The following ATF7IP2 variants were observed in gnomAD, a reference collection of about 807,000 sequenced individuals.
ATF7IP2 encodes activating transcription factor 7 interacting protein 2.
Under a neutral mutation model 64.2 loss-of-function variants are expected in ATF7IP2, and 42 were observed. That is an observed-to-expected ratio of 0.65 (90% CI 0.51 to 0.85). The LOEUF is 0.85. Ranked by LOEUF, ATF7IP2 falls within the 40% of genes least tolerant of loss-of-function variation. The probability of loss-of-function intolerance (pLI) is 0.00; values close to 1 mark genes in which losing one functional copy is unlikely to be tolerated. For synonymous variants in ATF7IP2, 308 were observed against 272.8 expected (o/e 1.13, Z -1.27); for missense variants, 933 against 784.2 (o/e 1.19, Z -2.27).
chr16:10,452,744 A>G (rs1054212492), intron 8 of ATF7IP2, among the ~76,000 whole-genome samples: 3 of 152,138 alleles, frequency 2.0e-5, no homozygotes, highest in Admixed American at 1.3e-4. Context: ...GGGTTTATCT[A>G]TAAGCCCCTG....
chr16:10,477,366 T>C (rs2050048497), intron 12 of ATF7IP2, among the ~76,000 whole-genome samples: 1 of 152,210 alleles, frequency 6.6e-6, no homozygotes, highest in Non-Finnish European at 1.5e-5. Flanking sequence ...CTTTTTGATG[T>C]GCCAAAAACC....
chr16:10,458,673 T>C (rs931023588), intron 9 of ATF7IP2, among the ~76,000 whole-genome samples: 3 of 151,956 alleles, frequency 2.0e-5, no homozygotes, highest in African/African-American at 2.4e-5. Context: ...TTCCAAAGAA[T>C]AGAAAAAAAG....
chr16:10,398,372 C>G (rs1408671101), intron 1 of ATF7IP2, among the ~76,000 whole-genome samples: 1 of 151,832 alleles, frequency 6.6e-6, no homozygotes, highest in Non-Finnish European at 1.5e-5. Flanking sequence ...CTCTTGCACA[C>G]AGTTCATGGA....
At chr16:10,412,811 A>G (rs536466289) in intron 1 of ATF7IP2, among the ~76,000 whole-genome samples, 20 of 152,174 alleles carry the variant, frequency 1.3e-4, no homozygotes, top group African/African-American at 4.8e-4. Context: ...TGTCTATCTC[A>G]TTTCTTAAGT....
intron 1 of ATF7IP2, among the ~76,000 whole-genome samples, chr16:10,409,115 G>A (rs112803098): frequency 0.012 from 1,868 of 152,178 alleles, 34 homozygotes; most frequent in African/African-American, 0.041. Flanking sequence ...TCCCATGGGC[G>A]GGGGGTAGGC....
At chr16:10,395,510 GT>G (rs949226046) in intron 1 of ATF7IP2, among the ~76,000 whole-genome samples, 17 of 152,054 alleles carry the variant, frequency 1.1e-4, no homozygotes, top group African/African-American at 4.1e-4. Context: ...GCAGAACGAT[GT>G]TTTTTTAATG....
At chr16:10,441,970 C>T (rs1213890266) in intron 8 of ATF7IP2, among the ~76,000 whole-genome samples, 1 of 152,226 alleles carries the variant, frequency 6.6e-6, no homozygotes, top group East Asian at 1.9e-4. Flanking sequence ...CAAAAGCACA[C>T]TGAACAAAGG....
rs552690766 is a variant in ATF7IP2 at position 10,424,339 on chromosome 16, A to T, written c.-159-4529A>T. Among the ~76,000 whole-genome samples the T allele has an allele frequency of 3.9e-5, 6 of 152,274 alleles. No homozygotes were observed. In the South Asian group the frequency reaches 1.2e-3, roughly 32 times the overall value. On this transcript the variant is annotated intron_variant, in intron 3 of 13. Transcript: ENST00000562102. Reference sequence around the variant, plus strand: ...AGATTTGGGGTCCTGTTCCCAACAGACCCCTATCTCTCACCATAAGCAAAA... The same window carrying T: ...AGATTTGGGGTCCTGTTCCCAACAGTCCCCTATCTCTCACCATAAGCAAAA...
At chr16:10,408,381 G>A (rs992230731) in intron 1 of ATF7IP2, among the ~76,000 whole-genome samples, 2 of 152,174 alleles carry the variant, frequency 1.3e-5, no homozygotes, top group Admixed American at 6.5e-5. Flanking sequence ...GGGTCAAATG[G>A]TAGTTCTACT....
chr16:10,400,321 A>T (rs12921769), intron 1 of ATF7IP2, among the ~76,000 whole-genome samples: 2 of 152,130 alleles, frequency 1.3e-5, no homozygotes, highest in African/African-American at 4.8e-5. Flanking sequence ...GATTACAGGC[A>T]TTAGCCACCG....
Position 10,482,387 on chromosome 16 carries a change from T to C in ATF7IP2, c.*138T>C. ...TTGGGACAGTCCTCTTCTATATGTT[T>C]TAAGTGGCCAGTAATTTAATGAATT... On this transcript the variant is annotated 3_prime_UTR_variant, in exon 14 of 14. Coordinates refer to ENST00000562102, the MANE Select transcript of ATF7IP2 (RefSeq NM_001393719.1). 3.2e-6 allele frequency: 2 copies of C among 617,954 alleles called. No homozygotes were observed. Among genetic ancestry groups the C allele is most frequent in the Non-Finnish European group, 5.4e-6 (2 of 367,164 alleles). 38.3% of individuals were successfully genotyped at this position (617,954 alleles called of 1,614,324 possible).
At chr16:10,399,103 A>G (rs1056587030) in intron 1 of ATF7IP2, among the ~76,000 whole-genome samples, 8 of 133,062 alleles carry the variant, frequency 6.0e-5, no homozygotes, top group African/African-American at 1.9e-4. Flanking sequence ...ACAAGAAGGA[A>G]ATTCAGACTA....
At chr16:10,440,629 G>C (rs1372419650) in intron 8 of ATF7IP2, among the ~76,000 whole-genome samples, 167 bp downstream of exon 8, 1 of 152,242 alleles carries the variant, frequency 6.6e-6, no homozygotes, top group East Asian at 1.9e-4. Context: ...CCCTTAGGTA[G>C]TACATGCCAC....
At chr16:10,450,503 C>T (rs6498009) in intron 8 of ATF7IP2, among the ~76,000 whole-genome samples, 31,050 of 152,110 alleles carry the variant, frequency 0.2, 3,630 homozygotes, top group African/African-American at 0.32. Context: ...GGTGTTCCTG[C>T]ATTGGGTGCA....
At chr16:10,479,958 C>CTTTTGTTTTTTTTTTTTT (rs2050156311) in intron 12 of ATF7IP2, among the ~76,000 whole-genome samples, 1 of 80,568 alleles carries the variant, frequency 1.2e-5, no homozygotes, top group African/African-American at 4.4e-5. Context: ...ACTGGAAATA[C>CTTTTGTTTTTTTTTTTTT]TTTTTTTTTT....
chr16:10,470,962 TAACTA>T (rs1211855612), intron 9 of ATF7IP2, among the ~76,000 whole-genome samples: 1 of 151,990 alleles, frequency 6.6e-6, no homozygotes, highest in Non-Finnish European at 1.5e-5. Context: ...GTTCAAGACT[TAACTA>T]TAAAGGTGTA....
chr16:10,413,318 C>T (rs1449751319), intron 1 of ATF7IP2, among the ~76,000 whole-genome samples: 2 of 152,140 alleles, frequency 1.3e-5, no homozygotes, highest in East Asian at 1.9e-4. Flanking sequence ...GAATAAGTCT[C>T]ATGAGATTTG....
chr16:10,462,041 C>G (rs533876810), intron 9 of ATF7IP2, among the ~76,000 whole-genome samples: 1 of 152,118 alleles, frequency 6.6e-6, no homozygotes, highest in East Asian at 1.9e-4. Flanking sequence ...TTTCCATTCC[C>G]CATTACTTTG....
intron 12 of ATF7IP2, among the ~76,000 whole-genome samples, chr16:10,476,724 T>C (rs1248352710): frequency 1.3e-5 from 2 of 152,188 alleles, no homozygotes; most frequent in African/African-American, 2.4e-5. Context: ...TTCTCATTGT[T>C]TAGCTCCCAC....
Sources: allele counts gnomAD v4.1 joint callset (sites outside exome capture counted in the v4.1 genomes callset), GRCh38; gene constraint gnomAD v4.1.1; transcripts MANE v1.5; gene names NCBI Gene and HGNC (gene_info 2026-07-23, HGNC 2026-07-21).